BABAM2: variants seen among roughly 807,000 people sequenced by gnomAD.
The protein encoded by BABAM2 is BRISC and BRCA1-A complex member 2.
A neutral mutation model predicts 54.7 loss-of-function variants in BABAM2; 31 were observed. The observed-to-expected ratio is 0.57, with a 90% CI of 0.43 to 0.77. The LOEUF (loss-of-function observed/expected upper bound fraction) is 0.77, where lower values mean the gene tolerates loss of function less well. Among genes scored for constraint, BABAM2 ranks in the 30% least tolerant of loss-of-function variants. The probability of loss-of-function intolerance (pLI) is 0.00; values close to 1 mark genes in which losing one functional copy is unlikely to be tolerated. For synonymous variants in BABAM2, 167 were observed against 162.9 expected (o/e 1.03, Z -0.19); for missense variants, 364 against 455.8 (o/e 0.80, Z 1.83).
intron 10 of BABAM2, among the ~76,000 whole-genome samples, chr2:28,265,985 TTTC>T (rs1427738528): frequency 6.6e-6 from 1 of 151,960 alleles, no homozygotes; most frequent in Non-Finnish European, 1.5e-5. Context: ...TATTCTTAGT[TTTC>T]TTCTTTTTTT....
At chr2:28,115,140 A>G (rs759511779) in intron 6 of BABAM2, among the ~76,000 whole-genome samples, 51 of 151,668 alleles carry the variant, frequency 3.4e-4, no homozygotes, top group Non-Finnish European at 7.1e-4. Context: ...CTCTTAAGGA[A>G]CCCAATCAGA....
chr2:28,217,579 A>G (rs1287615025), intron 7 of BABAM2, among the ~76,000 whole-genome samples: 1 of 152,224 alleles, frequency 6.6e-6, no homozygotes, highest in Non-Finnish European at 1.5e-5. Context: ...AAGTGATGAA[A>G]CTGAATTTCA....
chr2:28,330,310 A>T lies in BABAM2; in HGVS notation c.1089-8140A>T, dbSNP rs141733981. On this transcript the variant is annotated intron_variant, in intron 11 of 11. Coordinates refer to ENST00000379624, the MANE Select transcript of BABAM2 (RefSeq NM_199191.3). ...CCCTCTCTCACCACTCCTATTCAAC[A>T]TAGTATTGGAAGTTCTGGCCAGAGA... Among the ~76,000 whole-genome samples the T allele has an allele frequency of 4.8e-3, 724 of 152,318 alleles. 4 individuals carry two copies. Among genetic ancestry groups the T allele is most frequent in the South Asian group, 0.028 (133 of 4,830 alleles).
chr2:28,026,805 A>ATATATAAATATATATTTATATATAAAT (rs1342372223), intron 5 of BABAM2, among the ~76,000 whole-genome samples: 3 of 76,534 alleles, frequency 3.9e-5, no homozygotes, highest in African/African-American at 1.7e-4. Context: ...TTATATAAAA[A>ATATATAAATATATATTTATATATAAAT]ATATATAAAT....
chr2:28,072,676 T>C (rs982134073), intron 6 of BABAM2, among the ~76,000 whole-genome samples: 6 of 152,154 alleles, frequency 3.9e-5, no homozygotes, highest in Admixed American at 3.3e-4. Context: ...TGAGCCACTG[T>C]GCCCGGCCAG....
At chr2:28,272,889 C>T (rs1258915228) in intron 10 of BABAM2, among the ~76,000 whole-genome samples, 1 of 152,106 alleles carries the variant, frequency 6.6e-6, no homozygotes, top group Non-Finnish European at 1.5e-5. Context: ...GTGGCTGGGA[C>T]GACATGTGGA....
intron 4 of BABAM2, among the ~76,000 whole-genome samples, chr2:27,988,430 A>G (rs1361895168): frequency 6.6e-6 from 1 of 152,208 alleles, no homozygotes; most frequent in Non-Finnish European, 1.5e-5. Flanking sequence ...GTTTACTAAC[A>G]CTTCATTACA....
At chr2:28,095,679 A>G (rs768378866) in intron 6 of BABAM2, among the ~76,000 whole-genome samples, 1 of 152,204 alleles carries the variant, frequency 6.6e-6, no homozygotes, top group Non-Finnish European at 1.5e-5. Context: ...TAGGGTTCTT[A>G]TGAAAAGATT....
intron 7 of BABAM2, among the ~76,000 whole-genome samples, chr2:28,226,562 G>A (rs1284685559): frequency 6.6e-6 from 1 of 152,150 alleles, no homozygotes; most frequent in African/African-American, 2.4e-5. Context: ...GAGTGAATAC[G>A]TGTAGAATGT....
chr2:27,933,899 C>A (rs1410517387), intron 3 of BABAM2, among the ~76,000 whole-genome samples: 1 of 151,120 alleles, frequency 6.6e-6, no homozygotes, highest in African/African-American at 2.4e-5. Flanking sequence ...ATGCCCAGAT[C>A]TTTTGTCCTT....
At chr2:28,061,069 T>A (rs1678821638) in intron 6 of BABAM2, among the ~76,000 whole-genome samples, 1 of 152,190 alleles carries the variant, frequency 6.6e-6, no homozygotes, top group Non-Finnish European at 1.5e-5. Context: ...ATTCCCTGAT[T>A]TCAAAGACTT....
chr2:28,091,332 T>C (rs1217271959), intron 6 of BABAM2, among the ~76,000 whole-genome samples: 5 of 152,210 alleles, frequency 3.3e-5, no homozygotes, highest in Non-Finnish European at 7.3e-5. Context: ...TTGCAAAGTA[T>C]CTTCTGTTGC....
chr2:28,137,983 G>A (rs1035392883), intron 7 of BABAM2, among the ~76,000 whole-genome samples: 1 of 152,018 alleles, frequency 6.6e-6, no homozygotes, highest in Non-Finnish European at 1.5e-5. Flanking sequence ...CATCTCAAGG[G>A]TTTTGTGCAG....
At chr2:28,135,787 TC>T (rs1318497886) in intron 7 of BABAM2, among the ~76,000 whole-genome samples, 2 of 152,186 alleles carry the variant, frequency 1.3e-5, no homozygotes, top group African/African-American at 4.8e-5. Context: ...AAAAACCCAC[TC>T]TCCACAATGT....
intron 11 of BABAM2, among the ~76,000 whole-genome samples, chr2:28,328,431 T>C (rs1690670454): frequency 6.6e-6 from 1 of 152,142 alleles, no homozygotes; most frequent in African/African-American, 2.4e-5. Flanking sequence ...CTGACTTGAT[T>C]TATGCCCTTG....
At chr2:28,003,831 A>G (rs1673752502) in intron 4 of BABAM2, among the ~76,000 whole-genome samples, 1 of 152,188 alleles carries the variant, frequency 6.6e-6, no homozygotes, top group Admixed American at 6.5e-5. Flanking sequence ...AGAAAACCAG[A>G]GGTGTGGAGG....
At chr2:28,220,175 C>T (rs955180357) in intron 7 of BABAM2, among the ~76,000 whole-genome samples, 4 of 152,102 alleles carry the variant, frequency 2.6e-5, no homozygotes, top group Admixed American at 1.3e-4. Flanking sequence ...CAGTGTGTAG[C>T]GCAGCAGCGG....
chr2:27,933,968 A>C (rs1348621131), intron 3 of BABAM2, among the ~76,000 whole-genome samples: 1 of 150,170 alleles, frequency 6.7e-6, no homozygotes, highest in Admixed American at 6.6e-5. Context: ...TGTCCTGTGC[A>C]AGTCCCTGAT....
At chr2:27,943,197 C>A (rs900501860) in intron 3 of BABAM2, among the ~76,000 whole-genome samples, 7 of 152,146 alleles carry the variant, frequency 4.6e-5, no homozygotes, top group African/African-American at 1.7e-4. Context: ...TTTAAAATTT[C>A]TTGTACTATT....
Sources: allele counts gnomAD v4.1 joint callset (sites outside exome capture counted in the v4.1 genomes callset), GRCh38; gene constraint gnomAD v4.1.1; transcripts MANE v1.5; gene names NCBI Gene and HGNC (gene_info 2026-07-23, HGNC 2026-07-21).